The following FNBP1L variants were observed in gnomAD, a reference collection of about 807,000 sequenced individuals.
FNBP1L encodes the protein formin-binding protein 1-like.
In FNBP1L, 36 loss-of-function variants were observed where a neutral mutation model predicts 91.2. That is an observed-to-expected ratio of 0.39 (90% CI 0.30 to 0.52). FNBP1L has a LOEUF of 0.52. Ranked by LOEUF, FNBP1L falls within the 20% of genes least tolerant of loss-of-function variation. The pLI is 0.66. For missense variants in FNBP1L, 571 were observed against 732.1 expected (o/e 0.78, Z 2.54); for synonymous variants, 242 against 237.0 (o/e 1.02, Z -0.19).
chr1:93,467,395 A>G (rs953659189), intron 1 of FNBP1L, among the ~76,000 whole-genome samples: 30 of 152,230 alleles, frequency 2.0e-4, no homozygotes, highest in Admixed American at 9.2e-4. Flanking sequence ...AGAAGGACGA[A>G]TATTGTACAA....
chr1:93,550,498 A>G (rs1207088454), intron 15 of FNBP1L, among the ~76,000 whole-genome samples: 2 of 151,972 alleles, frequency 1.3e-5, no homozygotes, highest in Admixed American at 1.3e-4. Context: ...CTAGAGTCAA[A>G]CCCGTATTTT....
chr1:93,496,177 T>G (rs1482731616), intron 1 of FNBP1L, among the ~76,000 whole-genome samples: 1 of 152,040 alleles, frequency 6.6e-6, no homozygotes, highest in Non-Finnish European at 1.5e-5. Flanking sequence ...CTGCTTTACT[T>G]AAAACACACC....
chr1:93,545,888 T>G (rs1009242009), intron 12 of FNBP1L, among the ~76,000 whole-genome samples: 1 of 151,910 alleles, frequency 6.6e-6, no homozygotes, highest in Non-Finnish European at 1.5e-5. Flanking sequence ...TAGATTTAAT[T>G]GCAACAATAA....
chr1:93,542,255 AT>A (rs1672071262), intron 11 of FNBP1L, among the ~76,000 whole-genome samples: 1 of 152,002 alleles, frequency 6.6e-6, no homozygotes, highest in South Asian at 2.1e-4. Flanking sequence ...ACTGCATTCC[AT>A]TGTGGGCAAC....
chr1:93,534,489 ATTAAG>A (rs1671783245), intron 8 of FNBP1L, among the ~76,000 whole-genome samples: 1 of 152,170 alleles, frequency 6.6e-6, no homozygotes, highest in Non-Finnish European at 1.5e-5. Flanking sequence ...TTATAAATTA[ATTAAG>A]TTGTAATTTG....
At chr1:93,489,564 A>C (rs781160485) in intron 1 of FNBP1L, among the ~76,000 whole-genome samples, 31 of 152,154 alleles carry the variant, frequency 2.0e-4, no homozygotes, top group South Asian at 6.2e-4. Flanking sequence ...AAGTTAAAAA[A>C]AAAATTGCAG....
chr1:93,464,492 T>C (rs1295201925), intron 1 of FNBP1L, among the ~76,000 whole-genome samples: 1 of 152,208 alleles, frequency 6.6e-6, no homozygotes, highest in Non-Finnish European at 1.5e-5. Flanking sequence ...AATAAAACAT[T>C]CATTATTTAT....
chr1:93,523,373 T>A lies in FNBP1L; in HGVS notation c.224T>A (p.Ile75Asn), dbSNP rs754229821. 1 of 1,608,022 alleles carries A rather than the reference T, an allele frequency of 6.2e-7. No homozygotes were observed. Among genetic ancestry groups the A allele is most frequent in the Non-Finnish European group, 8.5e-7 (1 of 1,176,960 alleles). Residue 75 changes from isoleucine (I) to asparagine (N), a missense_variant, in exon 4 of 17, where the codon ATC becomes AAC. By Grantham distance (149) the Ile-to-Asn change is moderately radical. This residue lies in a region of FNBP1L where 220 missense variants were observed against 313.6 expected (regional missense o/e 0.70). Transcript: ENST00000271234. ...RFTSCVAFFNILNELNDYAGQ... is the reference protein window; with the variant it reads ...RFTSCVAFFNNLNELNDYAGQ... ...ACCTCGTGTGTAGCCTTTTTTAATA[T>A]CCTTAATGAGTTAAATGACTATGCA...
rs575996475 is a variant in FNBP1L, at chr1:93,524,400, CTATT to C, written c.405+79_405+82del. The C allele has an allele frequency of 4.6e-4, 470 of 1,029,724 alleles. 3 individuals carry two copies. In the African/African-American group the frequency reaches 6.9e-3, roughly 15 times the overall value. 63.8% of individuals were successfully genotyped at this position (1,029,724 alleles called of 1,614,324 possible). A position where few individuals can be genotyped will look rare whatever the true frequency, so the allele number is the denominator to read the frequency against. On this transcript the variant is annotated intron_variant, in intron 5 of 16. Coordinates refer to ENST00000271234, the MANE Select transcript of FNBP1L (RefSeq NM_001164473.3). ...CCCTAAATACTTTTATGCTTCATATCTATTTGAGTTTAATGTTTCTCAGTGTATT... is the reference window on the plus strand; with the variant it reads ...CCCTAAATACTTTTATGCTTCATATCTGAGTTTAATGTTTCTCAGTGTATT...
chr1:93,525,469 C>T (rs1222846764), intron 5 of FNBP1L, among the ~76,000 whole-genome samples: 1 of 152,058 alleles, frequency 6.6e-6, no homozygotes, highest in East Asian at 1.9e-4. Flanking sequence ...TTGGTTTCAG[C>T]AAGACTTCAC....
chr1:93,505,331 C>T (rs534549988), intron 2 of FNBP1L, among the ~76,000 whole-genome samples: 3 of 152,048 alleles, frequency 2.0e-5, no homozygotes, highest in Non-Finnish European at 2.9e-5. Context: ...AAGAGTACAC[C>T]GAACAAAGGA....
Position 93,552,418 on chromosome 1 carries a change from G to C in FNBP1L, c.*2G>C. 1.9e-6 allele frequency: 3 copies of C among 1,612,618 alleles called. No homozygotes were observed. The highest frequency in any genetic ancestry group is 2.5e-6 in the Non-Finnish European group (3 of 1,179,308). On this transcript the variant is annotated 3_prime_UTR_variant, in exon 17 of 17. Coordinates refer to ENST00000271234, the MANE Select transcript of FNBP1L (RefSeq NM_001164473.3). Reference sequence around the variant, plus strand: ...TCCTCCTGGACTGCAGGTTCCTGAAGAGGGTTTCTGAGGAAATGGGCAAGA... The same window carrying C: ...TCCTCCTGGACTGCAGGTTCCTGAACAGGGTTTCTGAGGAAATGGGCAAGA...
intron 2 of FNBP1L, among the ~76,000 whole-genome samples, chr1:93,515,535 A>G (rs1671062758): frequency 6.6e-6 from 1 of 152,088 alleles, no homozygotes; most frequent in South Asian, 2.1e-4. Flanking sequence ...ATAATGATAG[A>G]CTGGATTAAG....
rs376163977 is a variant in FNBP1L at position 93,551,037 on chromosome 1, G to C, written c.1742G>C (p.Arg581Thr). The C allele has an allele frequency of 6.2e-7, 1 of 1,612,880 alleles. No individual in the cohort carries two copies. Among genetic ancestry groups the C allele is most frequent in the African/African-American group, 1.3e-5 (1 of 74,906 alleles). The change falls in exon 16 of 17, where the codon AGA becomes ACA. Residue 581 changes from arginine (R) to threonine (T), a missense_variant. Arg to Thr is a moderately conservative substitution (Grantham distance 71). Around this residue, in one of 5 missense-constraint regions of FNBP1L, gnomAD observed 189 missense variants for 219.7 expected, o/e 0.86. Transcript: ENST00000271234. ...DKGDGWTRARRQNGEEGYVPT... is the reference protein window; with the variant it reads ...DKGDGWTRARTQNGEEGYVPT... ...GGTGACGGATGGACAAGAGCTCGGA[G>C]ACAGAACGGTGAAGAAGGCTACGTT...
At chr1:93,471,420 T>C (rs1474048266) in intron 1 of FNBP1L, among the ~76,000 whole-genome samples, 1 of 152,130 alleles carries the variant, frequency 6.6e-6, no homozygotes, top group African/African-American at 2.4e-5. Flanking sequence ...ATCCAGGCAC[T>C]GTAGCGCATG....
At chr1:93,536,527 A>G (rs1047439927) in intron 10 of FNBP1L, 37 bp downstream of exon 10, 6 of 1,520,994 alleles carry the variant, frequency 3.9e-6, no homozygotes, top group Middle Eastern at 1.7e-4. Context: ...ATGATGGCCT[A>G]TTGTGTGTGT....
chr1:93,472,084 A>G (rs746279567), intron 1 of FNBP1L, among the ~76,000 whole-genome samples: 2 of 152,194 alleles, frequency 1.3e-5, no homozygotes. Flanking sequence ...ACCCTACTCT[A>G]ATCTCTTGAA....
rs990584995 is a variant in FNBP1L at position 93,554,114 on chromosome 1, A to G, written c.*1698A>G. The G allele has an allele frequency of 1.3e-5, 2 of 152,686 alleles. No individual in the cohort carries two copies. Among genetic ancestry groups the G allele is most frequent in the African/African-American group, 4.8e-5 (2 of 41,464 alleles). 9.5% of individuals were successfully genotyped at this position (152,686 alleles called of 1,614,324 possible). ...GTATTACCTTTGCAGCTAGTAAACT[A>G]TAAAGTTTAGATATTGAATCTCGTT... On this transcript the variant is annotated 3_prime_UTR_variant, in exon 17 of 17. Coordinates refer to ENST00000271234, the MANE Select transcript of FNBP1L (RefSeq NM_001164473.3).
chr1:93,479,681 T>C (rs1447117280), intron 1 of FNBP1L, among the ~76,000 whole-genome samples: 1 of 152,224 alleles, frequency 6.6e-6, no homozygotes. Context: ...ATATCTCTCC[T>C]ACTTGCACAT....
Sources: gnomAD v4.1 joint callset for allele counts (sites outside exome capture counted in the v4.1 genomes callset) on GRCh38, gnomAD v4.1.1 for gene constraint, gnomAD v4.1.1 regional missense constraint, MANE v1.5 for transcripts, NCBI Gene and HGNC (gene_info 2026-07-23, HGNC 2026-07-21) for gene names.